The following RGS6 variants were observed in gnomAD, a reference collection of about 807,000 sequenced individuals.
RGS6 encodes the protein regulator of G-protein signaling 6.
In RGS6, 30 loss-of-function variants were observed where a neutral mutation model predicts 78.5. The observed-to-expected ratio is 0.38, with a 90% confidence interval of 0.29 to 0.52. The LOEUF is 0.52. Among genes scored for constraint, RGS6 ranks in the 20% least tolerant of loss-of-function variants. The pLI is 0.85. For missense variants in RGS6, 495 were observed against 609.7 expected (o/e 0.81, Z 1.98); for synonymous variants, 206 against 206.0 (o/e 1.00, Z 0.00).
At chr14:72,469,648 C>T in intron 7 of RGS6, 2 of 170,982 alleles carry the variant, frequency 1.2e-5, no homozygotes, top group Non-Finnish European at 2.5e-5. Flanking sequence ...GAGATACCAG[C>T]AGGTGGCAAA....
intron 2 of RGS6, among the ~76,000 whole-genome samples, chr14:72,225,005 A>G (rs2047772578): frequency 6.6e-6 from 1 of 152,224 alleles, no homozygotes; most frequent in Non-Finnish European, 1.5e-5. Context: ...TCCTACAAGA[A>G]TATTAGAGAT....
At chr14:71,935,286 C>G (rs532665672) in intron 1 of RGS6, among the ~76,000 whole-genome samples, 1 of 152,110 alleles carries the variant, frequency 6.6e-6, no homozygotes, top group South Asian at 2.1e-4. Flanking sequence ...CAGGAAAATA[C>G]AAAGAAAAAA....
intron 2 of RGS6, among the ~76,000 whole-genome samples, chr14:72,269,283 CTG>C (rs1159417721): frequency 6.6e-6 from 1 of 152,230 alleles, no homozygotes; most frequent in African/African-American, 2.4e-5. Flanking sequence ...AGACTTGTGA[CTG>C]TTTTCCCATT....
chr14:72,001,471 AACACACACACACACACAC>A (rs3053057), intron 2 of RGS6, among the ~76,000 whole-genome samples: 79,198 of 146,044 alleles, frequency 0.54, 22,096 homozygotes, highest in Non-Finnish European at 0.62. Flanking sequence ...ATAAAAACAG[AACACACACACACACACAC>A]ACACACACAC....
At chr14:72,030,679 G>A (rs11846804) in intron 2 of RGS6, among the ~76,000 whole-genome samples, 6,969 of 152,290 alleles carry the variant, frequency 0.046, 191 homozygotes, top group African/African-American at 0.078. Context: ...TAAGTGGAGC[G>A]TAAATGCTTT....
At chr14:72,257,092 A>C (rs1468098804) in intron 2 of RGS6, among the ~76,000 whole-genome samples, 1 of 152,182 alleles carries the variant, frequency 6.6e-6, no homozygotes, top group East Asian at 1.9e-4. Flanking sequence ...AACCAAGATA[A>C]GGAGCCACTG....
intron 2 of RGS6, among the ~76,000 whole-genome samples, chr14:72,222,735 G>A (rs1328777746): frequency 6.6e-6 from 1 of 152,194 alleles, no homozygotes; most frequent in African/African-American, 2.4e-5. Context: ...CTGACTAATA[G>A]AGATGTTATT....
chr14:72,429,019 G>A (rs1164638500), intron 3 of RGS6, among the ~76,000 whole-genome samples: 2 of 152,108 alleles, frequency 1.3e-5, no homozygotes, highest in Non-Finnish European at 2.9e-5. Context: ...TAGGCAACAT[G>A]GTGAAACCCT....
chr14:71,932,201 C>G (rs1594821199), upstream of RGS6, among the ~76,000 whole-genome samples: 1 of 152,168 alleles, frequency 6.6e-6, no homozygotes. Flanking sequence ...TCGAGCAAAT[C>G]ACGGTCTGCG....
At chr14:71,946,227 G>A (rs1481167303) in intron 1 of RGS6, among the ~76,000 whole-genome samples, 1 of 152,194 alleles carries the variant, frequency 6.6e-6, no homozygotes, top group Admixed American at 6.5e-5. Flanking sequence ...AGGAGACAAA[G>A]TAGCTGAACT....
intron 2 of RGS6, among the ~76,000 whole-genome samples, chr14:72,248,347 T>C (rs1253513362): frequency 6.6e-6 from 1 of 152,214 alleles, no homozygotes; most frequent in East Asian, 1.9e-4. Flanking sequence ...GAATGTCTTC[T>C]CATGGAGTTT....
At chr14:72,098,293 C>A (rs982050365) in intron 2 of RGS6, among the ~76,000 whole-genome samples, 12 of 152,212 alleles carry the variant, frequency 7.9e-5, no homozygotes, top group East Asian at 7.7e-4. Flanking sequence ...CCTGTAATTT[C>A]ATTTCCCTGG....
intron 2 of RGS6, among the ~76,000 whole-genome samples, chr14:72,274,696 G>T (rs750256532): frequency 3.9e-5 from 6 of 152,226 alleles, no homozygotes; most frequent in Non-Finnish European, 8.8e-5. Context: ...CAGAGAAGAA[G>T]TTGTAATGAT....
intron 13 of RGS6, 38 bp downstream of exon 13, chr14:72,495,300 T>C (rs771913372): frequency 1.8e-5 from 22 of 1,248,360 alleles, no homozygotes; most frequent in Non-Finnish European, 2.4e-5. Flanking sequence ...GGGATGAATG[T>C]AGACAAAAAT....
At chr14:71,899,434 T>G in the RGS6 span, among the ~76,000 whole-genome samples, 1 of 152,204 alleles carries the variant, frequency 6.6e-6, no homozygotes, top group African/African-American at 2.4e-5. Context: ...GGACATGTGG[T>G]TGTCTCCCCA....
chr14:72,552,288 T>G (rs755861633), intron 17 of RGS6, among the ~76,000 whole-genome samples: 6 of 152,196 alleles, frequency 3.9e-5, no homozygotes, highest in Admixed American at 2.0e-4. Context: ...GGGACTGTGG[T>G]GCCCAGCAGG....
chr14:72,400,005 A>C (rs1664647428), intron 3 of RGS6, among the ~76,000 whole-genome samples: 1 of 152,230 alleles, frequency 6.6e-6, no homozygotes, highest in Admixed American at 6.5e-5. Flanking sequence ...CTAGCAAGGC[A>C]GGCCAACATT....
intron 1 of RGS6, among the ~76,000 whole-genome samples, chr14:71,933,813 C>G (rs2088392873): frequency 6.6e-6 from 1 of 152,106 alleles, no homozygotes. Context: ...CAAAAATAAT[C>G]AAGTTTAGGT....
the RGS6 span, among the ~76,000 whole-genome samples, chr14:72,582,241 C>A: frequency 6.6e-6 from 1 of 152,118 alleles, no homozygotes; most frequent in East Asian, 1.9e-4. Flanking sequence ...TGGAAACAAA[C>A]CATACGCAAA....
Sources: gnomAD v4.1 joint callset for allele counts (sites outside exome capture counted in the v4.1 genomes callset) on GRCh38, gnomAD v4.1.1 for gene constraint, MANE v1.5 for transcripts, NCBI Gene and HGNC (gene_info 2026-07-23, HGNC 2026-07-21) for gene names.